DGKE: variants seen among roughly 807,000 people sequenced by gnomAD.
The protein encoded by DGKE is DAG kinase epsilon.
A neutral mutation model predicts 70.0 loss-of-function variants in DGKE; 53 were observed. That is an observed-to-expected ratio of 0.76 (90% CI 0.61 to 0.95). The LOEUF (loss-of-function observed/expected upper bound fraction) is 0.95, where lower values mean the gene tolerates loss of function less well. Among genes scored for constraint, DGKE ranks in the 40% least tolerant of loss-of-function variants. The pLI, the probability that DGKE is intolerant of heterozygous loss-of-function variation, is 0.00. For missense variants in DGKE, 655 were observed against 706.9 expected (o/e 0.93, Z 0.83); for synonymous variants, 291 against 257.0 (o/e 1.13, Z -1.27).
In DGKE at chr17:56,863,181, G is replaced by C. The variant is rs1213803097; in HGVS notation, c.*390G>C. On this transcript the variant is annotated 3_prime_UTR_variant, in exon 12 of 12. Transcript: ENST00000284061. ...TTATATCTCCAACAAGGTGTGGGTG[G>C]AAAGATCAAATTAACCTGCTTTTTT... 6.4e-6 allele frequency: 1 copy of C among 155,864 alleles called. No individual in the cohort carries two copies. Among genetic ancestry groups the C allele is most frequent in the Admixed American group, 6.5e-5 (1 of 15,364 alleles). The allele number at this position is 155,864 out of a possible 1,614,324, so 9.7% of individuals were successfully genotyped here.
At position 56,848,215 on chromosome 17, in the gene DGKE, C is replaced by T. The variant is rs934903809; in HGVS notation, c.888+150C>T. On this transcript the variant is annotated intron_variant, in intron 5 of 11. Transcript: ENST00000284061. ...CACTGTCACCCAGGCTGGAGTGCAGCGGCGCAGACACAGCTAACTGCAACC... is the reference window on the plus strand; with the variant it reads ...CACTGTCACCCAGGCTGGAGTGCAGTGGCGCAGACACAGCTAACTGCAACC... 17 of 420,948 alleles carry T rather than the reference C, an allele frequency of 4.0e-5. No individual in the cohort carries two copies. In the Admixed American group the frequency reaches 6.3e-4, roughly 16 times the overall value. 26.1% of individuals were successfully genotyped at this position (420,948 alleles called of 1,614,324 possible).
Position 56,862,691 on chromosome 17 carries a change from C to G in DGKE, c.1604C>G (p.Thr535Ser). 6.2e-7 allele frequency: 1 copy of G among 1,611,276 alleles called. No individual in the cohort carries two copies. Among genetic ancestry groups the G allele is most frequent in the South Asian group, 1.1e-5 (1 of 90,496 alleles). ...WAQGPCTVTI[T>S]HKTHAMMLYF... Reference sequence around the variant, plus strand: ...CAAGGGCCCTGCACTGTCACCATAACTCACAAGACACATGCAATGATGTTA... The same window carrying G: ...CAAGGGCCCTGCACTGTCACCATAAGTCACAAGACACATGCAATGATGTTA... Residue 535 changes from threonine (T) to serine (S), a missense_variant, in exon 12 of 12, where the codon ACT becomes AGT. Transcript: ENST00000284061.
At chr17:56,844,275 C>T (rs1907160152) in intron 3 of DGKE, 97 bp downstream of exon 3, 1 of 770,544 alleles carries the variant, frequency 1.3e-6, no homozygotes, top group African/African-American at 1.8e-5. Flanking sequence ...AGAATTGGTG[C>T]CAGGAATAAA....
intron 9 of DGKE, among the ~76,000 whole-genome samples, chr17:56,859,725 G>T (rs3785473): frequency 6.6e-6 from 1 of 152,142 alleles, no homozygotes; most frequent in Admixed American, 6.5e-5. Context: ...GCCAGATATG[G>T]CAGTCTTATA....
intron 7 of DGKE, among the ~76,000 whole-genome samples, chr17:56,853,452 T>TA (rs1907767725): frequency 6.6e-6 from 1 of 152,244 alleles, no homozygotes; most frequent in Admixed American, 6.5e-5. Flanking sequence ...TTTAAGTCTT[T>TA]AATCCATTTT....
At chr17:56,840,066 A>G (rs1436077023) in intron 2 of DGKE, among the ~76,000 whole-genome samples, 2 of 152,064 alleles carry the variant, frequency 1.3e-5, no homozygotes, top group Non-Finnish European at 2.9e-5. Flanking sequence ...CGGGAGGCTG[A>G]GGCAGGAGAA....
chr17:56,840,033 G>A (rs544708251), intron 2 of DGKE, among the ~76,000 whole-genome samples: 26 of 151,976 alleles, frequency 1.7e-4, no homozygotes, highest in East Asian at 5.8e-4. Context: ...GTGTGGTGGC[G>A]CATGCCTGTA....
Position 56,862,213 on chromosome 17 carries a change from G to T in DGKE, c.1486G>T (p.Ala496Ser). Residue 496 changes from alanine (A) to serine (S), a missense_variant, in exon 11 of 12, where the codon GCT (alanine) becomes TCT (serine). Physicochemically the swap from Ala to Ser is moderately conservative, Grantham distance 99. Coordinates refer to ENST00000284061, the MANE Select transcript of DGKE (RefSeq NM_003647.3). ...FHCAQIQVKL[A>S]NPFRIGQAHT... ...CTGTGCTCAGATTCAAGTAAAACTGGCTAATCCTTTTCGAATAGGACAGGC... is the reference window on the plus strand; with the variant it reads ...CTGTGCTCAGATTCAAGTAAAACTGTCTAATCCTTTTCGAATAGGACAGGC... 2 of 1,614,136 alleles carry T rather than the reference G, an allele frequency of 1.2e-6. No individual in the cohort carries two copies. Among genetic ancestry groups the T allele is most frequent in the Non-Finnish European group, 8.5e-7 (1 of 1,180,024 alleles).
At position 56,865,848 on chromosome 17, in the gene DGKE, A is replaced by G. The variant is rs1908504674; in HGVS notation, c.*3057A>G. ...TATATTTATTGAATTTTAAATTTGC[A>G]CTAACTTGAAAACTTTAAAGGTTAT... On this transcript the variant is annotated 3_prime_UTR_variant, in exon 12 of 12. Transcript: ENST00000284061. The G allele has an allele frequency of 6.6e-6, 1 of 152,084 alleles. No homozygotes were observed. The highest frequency in any genetic ancestry group is 1.5e-5 in the Non-Finnish European group (1 of 68,004). The allele number at this position is 152,084 out of a possible 1,614,324, so 9.4% of individuals were successfully genotyped here.
At chr17:56,851,244 C>A (rs1326430210) in intron 7 of DGKE, among the ~76,000 whole-genome samples, 2 of 152,086 alleles carry the variant, frequency 1.3e-5, no homozygotes, top group Admixed American at 6.5e-5. Context: ...TGTTTGTCCC[C>A]TAGATCACTT....
rs1177687771 is a variant in DGKE at position 56,838,879 on chromosome 17, AC to A, written c.464+3621del. ...GTAAATTTTACATGAAAAGGAAAAA[AC>A]ATCATGAATTCTAGGTAGTGATAAG... On this transcript the variant is annotated intron_variant, in intron 2 of 11. Coordinates refer to ENST00000284061, the MANE Select transcript of DGKE (RefSeq NM_003647.3). 7.2e-5 allele frequency: 11 copies of A among 152,178 alleles called. 1 individual carries two copies. The highest frequency in any genetic ancestry group is 1.3e-4 in the Non-Finnish European group (9 of 68,018). The allele number at this position is 152,178 out of a possible 1,614,324, so 9.4% of individuals were successfully genotyped here. A position where few individuals can be genotyped will look rare whatever the true frequency, so the allele number is the denominator to read the frequency against.
intron 2 of DGKE, chr17:56,838,623 A>G (rs1906776075): frequency 6.6e-6 from 1 of 152,196 alleles, no homozygotes; most frequent in Admixed American, 6.5e-5. Flanking sequence ...TCAGCACACT[A>G]AAAAAGAGAG....
At chr17:56,838,735 A>T (rs1906785374) in intron 2 of DGKE, 1 of 152,116 alleles carries the variant, frequency 6.6e-6, no homozygotes, top group Non-Finnish European at 1.5e-5. Flanking sequence ...TTCATGAGGC[A>T]TTCCATATTT....
At chr17:56,843,136 A>G (rs1345023466) in intron 2 of DGKE, among the ~76,000 whole-genome samples, 2 of 152,242 alleles carry the variant, frequency 1.3e-5, no homozygotes, top group South Asian at 2.1e-4. Context: ...CAGCCAAAGC[A>G]CAAATATATA....
intron 2 of DGKE, chr17:56,836,179 G>A (rs141064876): frequency 6.8e-6 from 1 of 147,538 alleles, no homozygotes; most frequent in Admixed American, 7.0e-5. Flanking sequence ...AATGAAATAG[G>A]CAGTAAATAG....
intron 2 of DGKE, among the ~76,000 whole-genome samples, chr17:56,843,797 CAA>C (rs368992473): frequency 1.3e-4 from 14 of 109,370 alleles, no homozygotes; most frequent in Non-Finnish European, 1.7e-4. Context: ...GACCCTGTCT[CAA>C]AAAAAAAAAA....
At chr17:56,836,601 T>C (rs187841429) in intron 2 of DGKE, 1 of 152,340 alleles carries the variant, frequency 6.6e-6, no homozygotes, top group African/African-American at 2.4e-5. Flanking sequence ...ATGCTTCTGA[T>C]CCTCCACCCA....
At position 56,863,468 on chromosome 17, in the gene DGKE, G is replaced by A. The variant is rs1328161283; in HGVS notation, c.*677G>A. ...TCAGGATCTTTTTTATAACACCAGT[G>A]TAGCCAAAAGAGAAACAGATAAGTG... is the stretch of plus-strand genomic sequence containing the variant. On this transcript the variant is annotated 3_prime_UTR_variant, in exon 12 of 12. Coordinates refer to ENST00000284061, the MANE Select transcript of DGKE (RefSeq NM_003647.3). 1 of 152,190 alleles carries A rather than the reference G, an allele frequency of 6.6e-6. No individual in the cohort carries two copies. The highest frequency in any genetic ancestry group is 1.5e-5 in the Non-Finnish European group (1 of 68,040). 9.4% of individuals were successfully genotyped at this position (152,190 alleles called of 1,614,324 possible). A position where few individuals can be genotyped will look rare whatever the true frequency, so the allele number is the denominator to read the frequency against.
intron 11 of DGKE, 86 bp from the exon 12 acceptor site, chr17:56,862,526 A>T: frequency 1.7e-6 from 2 of 1,203,960 alleles, no homozygotes; most frequent in Non-Finnish European, 2.3e-6. Context: ...CATAAGGGTT[A>T]AGGGATTGTG....
Sources: allele counts gnomAD v4.1 joint callset (sites outside exome capture counted in the v4.1 genomes callset), GRCh38; gene constraint gnomAD v4.1.1; transcripts MANE v1.5; gene names NCBI Gene and HGNC (gene_info 2026-07-23, HGNC 2026-07-21).